Variants in ADGRB3 observed in about 807,000 individuals in gnomAD.
ADGRB3 encodes adhesion G protein-coupled receptor B3.
Under a neutral mutation model 193.4 loss-of-function variants are expected in ADGRB3, and 37 were observed. The observed-to-expected ratio is 0.19, with a 90% confidence interval of 0.15 to 0.25. The LOEUF is 0.25. Among genes scored for constraint, ADGRB3 ranks in the 10% least tolerant of loss-of-function variants. The probability of loss-of-function intolerance (pLI) is 1.00; values close to 1 mark genes in which losing one functional copy is unlikely to be tolerated. For synonymous variants in ADGRB3, 690 were observed against 644.2 expected, an observed-to-expected ratio of 1.07 and a Z score of -1.08; for missense variants, 1,637 against 1,852.9, an observed-to-expected ratio of 0.88 and a Z score of 2.14.
chr6:69,196,778 A>C (rs539160971), intron 17 of ADGRB3, among the ~76,000 whole-genome samples: 2 of 152,218 alleles, frequency 1.3e-5, no homozygotes, highest in African/African-American at 4.8e-5. Flanking sequence ...CAGAGCAAGT[A>C]AGGTCTCTAT....
At chr6:68,928,563 A>C (rs1473868659) in intron 3 of ADGRB3, among the ~76,000 whole-genome samples, 1 of 152,150 alleles carries the variant, frequency 6.6e-6, no homozygotes, top group Non-Finnish European at 1.5e-5. Flanking sequence ...TTTCAAGTTC[A>C]TAGTCTCTAT....
chr6:69,141,994 A>C (rs1582493861), intron 17 of ADGRB3, among the ~76,000 whole-genome samples: 1 of 152,210 alleles, frequency 6.6e-6, no homozygotes, highest in African/African-American at 2.4e-5. Context: ...CTTAGCTGTA[A>C]GAAGACCAGA....
At chr6:68,715,989 C>G (rs193133159) in intron 3 of ADGRB3, among the ~76,000 whole-genome samples, 1 of 151,424 alleles carries the variant, frequency 6.6e-6, no homozygotes, top group Non-Finnish European at 1.5e-5. Flanking sequence ...CCTGTCTAAA[C>G]GTCAAAAAAA....
At chr6:68,712,384 A>G (rs1765421349) in intron 3 of ADGRB3, among the ~76,000 whole-genome samples, 1 of 151,934 alleles carries the variant, frequency 6.6e-6, no homozygotes, top group African/African-American at 2.4e-5. Context: ...TTTGCATTTT[A>G]ATAGTTTTGC....
chr6:69,296,539 A>G (rs971894048), intron 20 of ADGRB3, among the ~76,000 whole-genome samples: 1 of 152,118 alleles, frequency 6.6e-6, no homozygotes, highest in Non-Finnish European at 1.5e-5. Context: ...CTTTCAGCTC[A>G]AGTAATGTTC....
intron 3 of ADGRB3, among the ~76,000 whole-genome samples, chr6:68,861,936 C>A (rs977674974): frequency 2.6e-5 from 4 of 152,066 alleles, no homozygotes; most frequent in Non-Finnish European, 5.9e-5. Flanking sequence ...TTTATAAGAG[C>A]TAGATTAGTT....
intron 17 of ADGRB3, among the ~76,000 whole-genome samples, chr6:69,126,226 G>GATA (rs35989817): frequency 4.5e-5 from 1 of 22,206 alleles, no homozygotes; most frequent in Non-Finnish European, 1.4e-4. Flanking sequence ...TAGATAAATA[G>GATA]ATACACACAT....
intron 16 of ADGRB3, among the ~76,000 whole-genome samples, chr6:69,064,718 T>C (rs989617006): frequency 1.3e-5 from 2 of 152,108 alleles, no homozygotes; most frequent in Non-Finnish European, 1.5e-5. Flanking sequence ...CTGTTTCTTA[T>C]GCAGAGAACA....
chr6:68,911,283 G>C (rs866166014), intron 3 of ADGRB3, among the ~76,000 whole-genome samples: 1 of 122,194 alleles, frequency 8.2e-6, no homozygotes, highest in Non-Finnish European at 1.6e-5. Flanking sequence ...GGGGGGAGGG[G>C]GGAGGGCTAG....
intron 17 of ADGRB3, among the ~76,000 whole-genome samples, chr6:69,114,987 A>T (rs1173643803): frequency 6.6e-6 from 1 of 152,188 alleles, no homozygotes; most frequent in Non-Finnish European, 1.5e-5. Flanking sequence ...ACGCTTTTAC[A>T]CTGTTGGTGG....
intron 3 of ADGRB3, among the ~76,000 whole-genome samples, chr6:68,845,865 C>T (rs1313171584): frequency 6.6e-6 from 1 of 152,098 alleles, no homozygotes; most frequent in Non-Finnish European, 1.5e-5. Context: ...AAAGATACCC[C>T]AAAATGTGGA....
chr6:68,660,016 C>T (rs184428298), intron 3 of ADGRB3, among the ~76,000 whole-genome samples: 13 of 150,962 alleles, frequency 8.6e-5, no homozygotes, highest in Admixed American at 6.0e-4. Context: ...TAAAACCATA[C>T]TTCAATTTAA....
rs755162239 is a variant in ADGRB3 at position 69,048,237 on chromosome 6, T to G, written c.2160T>G (p.Phe720Leu). The change falls in exon 14 of 32, where the codon TTT (phenylalanine) becomes TTG (leucine). Residue 720 changes from phenylalanine to leucine, a missense_variant. By Grantham distance (22) the Phe-to-Leu change is conservative. Around this residue, in one of 7 missense-constraint regions of ADGRB3, gnomAD observed 641 missense variants for 673.9 expected, o/e 0.95. Transcript: ENST00000370598. Reference protein sequence around the residue: ...PAASVLTDINFPMKGRKGMVD... With the variant: ...PAASVLTDINLPMKGRKGMVD... ...CCTCTGTTCTAACAGACATCAACTT[T>G]CCAATGAAAGGACGGAAGGGAATGG... The G allele has an allele frequency of 1.2e-6, 2 of 1,613,640 alleles. No individual in the cohort carries two copies. The highest frequency in any genetic ancestry group is 1.7e-6 in the Non-Finnish European group (2 of 1,179,706).
intron 3 of ADGRB3, among the ~76,000 whole-genome samples, chr6:68,773,191 A>G (rs989392953): frequency 5.9e-5 from 9 of 151,984 alleles, no homozygotes; most frequent in African/African-American, 1.7e-4. Context: ...GTTCAATATT[A>G]CTTTTTCATT....
intron 17 of ADGRB3, among the ~76,000 whole-genome samples, chr6:69,198,849 A>T (rs1582538539): frequency 6.6e-6 from 1 of 152,176 alleles, no homozygotes; most frequent in Non-Finnish European, 1.5e-5. Flanking sequence ...CAGATAAATT[A>T]ATTGATTAAT....
intron 16 of ADGRB3, among the ~76,000 whole-genome samples, chr6:69,066,416 T>G (rs1287366417): frequency 6.6e-6 from 1 of 151,894 alleles, no homozygotes; most frequent in African/African-American, 2.4e-5. Context: ...TACAGTGAGT[T>G]ATAGTGAGTT....
At chr6:69,219,460 C>CATATATATATATAT (rs1561956677) in intron 17 of ADGRB3, among the ~76,000 whole-genome samples, 1 of 54,832 alleles carries the variant, frequency 1.8e-5, no homozygotes, top group Non-Finnish European at 4.3e-5. Flanking sequence ...TACACACACA[C>CATATATATATATAT]GTATATATAT....
chr6:68,938,813 A>G (rs997643590), intron 5 of ADGRB3, among the ~76,000 whole-genome samples: 9 of 152,196 alleles, frequency 5.9e-5, no homozygotes, highest in Non-Finnish European at 1.3e-4. Flanking sequence ...ATCCAGGATC[A>G]AGTTTTATGT....
chr6:68,816,281 T>C (rs62418564), intron 3 of ADGRB3, among the ~76,000 whole-genome samples: 7,954 of 152,098 alleles, frequency 0.052, 291 homozygotes, highest in Non-Finnish European at 0.078. Flanking sequence ...GAATAAAAAT[T>C]ATCATTATTT....
Sources: gnomAD v4.1 joint callset for allele counts (sites outside exome capture counted in the v4.1 genomes callset) on GRCh38, gnomAD v4.1.1 for gene constraint, gnomAD v4.1.1 regional missense constraint, MANE v1.5 for transcripts, NCBI Gene and HGNC (gene_info 2026-07-23, HGNC 2026-07-21) for gene names.